Variants in FOXO3 observed in about 807,000 individuals in gnomAD.
FOXO3 encodes the protein forkhead box protein O3.
Under a neutral mutation model 41.9 loss-of-function variants are expected in FOXO3, and 4 were observed. The observed-to-expected ratio is 0.10, with a 90% CI of 0.05 to 0.22. FOXO3 has a LOEUF of 0.22. Ranked by LOEUF, FOXO3 falls within the 10% of genes least tolerant of loss-of-function variation. FOXO3 has a pLI of 1.00. For synonymous variants in FOXO3, 318 were observed against 389.3 expected, an observed-to-expected ratio of 0.82 and a Z score of 2.16; for missense variants, 534 against 906.8, an observed-to-expected ratio of 0.59 and a Z score of 5.28.
At chr6:108,646,620 C>T (rs1194060710) in intron 1 of FOXO3, among the ~76,000 whole-genome samples, 1 of 152,180 alleles carries the variant, frequency 6.6e-6, no homozygotes, top group Non-Finnish European at 1.5e-5. Context: ...AAGTTTAAGG[C>T]AGATAACCTA....
intron 1 of FOXO3, among the ~76,000 whole-genome samples, chr6:108,594,962 G>A (rs1189804246): frequency 6.6e-6 from 1 of 152,160 alleles, no homozygotes; most frequent in Non-Finnish European, 1.5e-5. Flanking sequence ...ACGTGTCAGG[G>A]ACAATGTGTG....
intron 1 of FOXO3, among the ~76,000 whole-genome samples, chr6:108,564,834 G>A (rs1358730809): frequency 1.3e-5 from 2 of 151,882 alleles, no homozygotes; most frequent in Non-Finnish European, 2.9e-5. Flanking sequence ...TGTATAGTTA[G>A]GATGAAGTTT....
At chr6:108,624,936 TTTTTG>T (rs549361745) in intron 1 of FOXO3, among the ~76,000 whole-genome samples, 2 of 151,948 alleles carry the variant, frequency 1.3e-5, no homozygotes, top group South Asian at 2.1e-4. Context: ...CGCTCAGTGT[TTTTTG>T]TTTTGTTTTG....
In FOXO3 at chr6:108,676,325, CAA is replaced by C. The variant is rs534999585; in HGVS notation, c.*35-3499_*35-3498del. Among the ~76,000 whole-genome samples the C allele has an allele frequency of 2.8e-4, 43 of 152,288 alleles. No individual in the cohort carries two copies. The East Asian group carries it at 7.5e-3, about 27-fold the overall frequency. The stretch of plus-strand genomic sequence containing the variant: ...ATCAGCTGTAGCTTCATTTTCTTTT[CAA>C]AAGTTTTGCTTAATCTGATGTGTTT... On this transcript the variant is annotated intron_variant, in intron 2 of 2. Transcript: ENST00000406360.
At position 108,565,548 on chromosome 6, in the gene FOXO3, A is replaced by G. The variant is rs1031450655; in HGVS notation, c.621+3719A>G. Among the ~76,000 whole-genome samples, 7 of 152,290 alleles carry G rather than the reference A, an allele frequency of 4.6e-5. No individual in the cohort carries two copies. In the East Asian group the frequency reaches 1.3e-3, roughly 29 times the overall value. ...TACACAGCACACATCTGCTTTTCCC[A>G]TGGGTCAGGGTGTAATCAAATTAGG... On this transcript the variant is annotated intron_variant, in intron 1 of 2. Transcript: ENST00000406360.
intron 1 of FOXO3, among the ~76,000 whole-genome samples, chr6:108,620,188 C>G (rs1301029328): frequency 6.6e-6 from 1 of 152,146 alleles, no homozygotes; most frequent in African/African-American, 2.4e-5. Flanking sequence ...GAAAAACAGA[C>G]TATGCTTGTA....
intron 1 of FOXO3, among the ~76,000 whole-genome samples, chr6:108,635,020 C>T (rs929553766): frequency 3.3e-5 from 5 of 151,226 alleles, no homozygotes; most frequent in African/African-American, 7.3e-5. Flanking sequence ...ATAAATATGG[C>T]GGGCATGGTG....
chr6:108,593,712 C>CTTTTTTTTT lies in FOXO3; in HGVS notation c.621+31897_621+31905dup, dbSNP rs34228633. On this transcript the variant is annotated intron_variant, in intron 1 of 2. Transcript: ENST00000406360. The stretch of plus-strand genomic sequence containing the variant: ...TGTATTTTTCTTTTCTTTTCTTCTT[C>CTTTTTTTTT]TTTTTTTTTTTTTTTTTTTTTTGAG... 4.8e-4 allele frequency among the ~76,000 whole-genome samples: 40 copies of CTTTTTTTTT among 83,342 alleles called. 1 individual carries two copies. The highest frequency in any genetic ancestry group is 5.8e-4 in the Non-Finnish European group (26 of 44,760). The allele number at this position is 83,342 out of a possible 152,430, so 54.7% of individuals were successfully genotyped here. A position where few individuals can be genotyped will look rare whatever the true frequency, so the allele number is the denominator to read the frequency against.
At chr6:108,675,349 CTAGG>C (rs1770543811) in intron 2 of FOXO3, among the ~76,000 whole-genome samples, 1 of 152,124 alleles carries the variant, frequency 6.6e-6, no homozygotes, top group Admixed American at 6.5e-5. Flanking sequence ...CACTCCAGGT[CTAGG>C]CTCTGAGGTG....
intron 1 of FOXO3, among the ~76,000 whole-genome samples, chr6:108,660,157 G>C (rs1778800868): frequency 6.6e-6 from 1 of 152,098 alleles, no homozygotes; most frequent in Non-Finnish European, 1.5e-5. Context: ...TTAGAAGCTT[G>C]AGTTTGTTTT....
chr6:108,568,401 C>T (rs1369567855), intron 1 of FOXO3, among the ~76,000 whole-genome samples: 3 of 151,904 alleles, frequency 2.0e-5, no homozygotes, highest in Admixed American at 6.6e-5. Context: ...CTGTGTTTCT[C>T]CTTTTGTGTT....
At chr6:108,618,896 G>A (rs972313567) in intron 1 of FOXO3, among the ~76,000 whole-genome samples, 17 of 152,238 alleles carry the variant, frequency 1.1e-4, no homozygotes, top group Middle Eastern at 3.4e-3. Context: ...ACTAATCTGT[G>A]TTACCTCTAC....
At chr6:108,671,705 A>G (rs1209639337) in intron 2 of FOXO3, among the ~76,000 whole-genome samples, 1 of 152,218 alleles carries the variant, frequency 6.6e-6, no homozygotes, top group Non-Finnish European at 1.5e-5. Flanking sequence ...GTCTTAAACT[A>G]TGGGCAGAAA....
chr6:108,596,755 T>C (rs1776898011), intron 1 of FOXO3, among the ~76,000 whole-genome samples: 1 of 152,172 alleles, frequency 6.6e-6, no homozygotes, highest in South Asian at 2.1e-4. Context: ...ATACTTAATA[T>C]ACACTGTCAC....
intron 1 of FOXO3, among the ~76,000 whole-genome samples, chr6:108,623,175 G>C (rs547375861): frequency 1.3e-5 from 2 of 152,192 alleles, no homozygotes; most frequent in South Asian, 4.2e-4. Flanking sequence ...GTGGTGATGC[G>C]CTAGGGATAG....
chr6:108,673,079 G>C (rs573402901), intron 2 of FOXO3, among the ~76,000 whole-genome samples: 1 of 152,182 alleles, frequency 6.6e-6, no homozygotes, highest in Non-Finnish European at 1.5e-5. Context: ...CAGCAATACC[G>C]CCCAACGTAG....
chr6:108,608,661 A>G (rs1464481526), intron 1 of FOXO3, among the ~76,000 whole-genome samples: 1 of 152,196 alleles, frequency 6.6e-6, no homozygotes, highest in East Asian at 1.9e-4. Context: ...CTGTTTAGCT[A>G]CCTTTGGGTT....
intron 1 of FOXO3, among the ~76,000 whole-genome samples, chr6:108,564,385 G>A (rs1267585010): frequency 6.6e-6 from 1 of 152,206 alleles, no homozygotes; most frequent in East Asian, 1.9e-4. Flanking sequence ...AAGTTTAGGA[G>A]TTGATTCTTG....
At chr6:108,642,721 A>G (rs1207240356) in intron 1 of FOXO3, among the ~76,000 whole-genome samples, 1 of 152,196 alleles carries the variant, frequency 6.6e-6, no homozygotes, top group Non-Finnish European at 1.5e-5. Context: ...GATTTTGAAA[A>G]ATCAGAATGA....
Sources: allele counts gnomAD v4.1 joint callset (sites outside exome capture counted in the v4.1 genomes callset), GRCh38; gene constraint gnomAD v4.1.1; transcripts MANE v1.5; gene names NCBI Gene and HGNC (gene_info 2026-07-23, HGNC 2026-07-21).